The following TICRR variants were observed in gnomAD, a reference collection of about 807,000 sequenced individuals.
The protein encoded by TICRR is TOPBP1 interacting checkpoint and replication regulator.
TICRR carries 132 observed loss-of-function variants against 178.1 expected under a neutral mutation model. The observed-to-expected ratio is 0.74, with a 90% CI of 0.64 to 0.86. The LOEUF is 0.86. TICRR is among the 40% of genes least tolerant of loss of function. The pLI, the probability that TICRR is intolerant of heterozygous loss-of-function variation, is 0.00. For missense variants in TICRR, 2,587 were observed against 2,334.3 expected, an observed-to-expected ratio of 1.11 and a Z score of -2.23; for synonymous variants, 991 against 900.7, an observed-to-expected ratio of 1.10 and a Z score of -1.79.
chr15:89,585,951 C>T lies in TICRR; in HGVS notation c.1411+9C>T, dbSNP rs767622900. The T allele has an allele frequency of 1.2e-6, 2 of 1,609,696 alleles. No individual in the cohort carries two copies. Among genetic ancestry groups the T allele is most frequent in the East Asian group, 4.5e-5 (2 of 44,840 alleles). On this transcript the variant is annotated intron_variant, in intron 4 of 21. Coordinates refer to ENST00000268138, the MANE Select transcript of TICRR (RefSeq NM_152259.4). ...AGATACTGCTTCTGCTGGTAAGCTC[C>T]TAAACTAGTAACTAACAGAGTCTAG...
At chr15:89,608,343 G>A (rs1963204194) in intron 14 of TICRR, among the ~76,000 whole-genome samples, 1 of 152,120 alleles carries the variant, frequency 6.6e-6, no homozygotes, top group South Asian at 2.1e-4. Context: ...TCTATAACAA[G>A]TAAAAAGTTT....
intron 13 of TICRR, among the ~76,000 whole-genome samples, chr15:89,603,680 T>C (rs12443406): frequency 0.52 from 79,090 of 152,058 alleles, 21,025 homozygotes; most frequent in Non-Finnish European, 0.59. Context: ...AGTCGCCCCT[T>C]ATCTGCAGAA....
chr15:89,593,166 T>A (rs1183675250), intron 5 of TICRR, among the ~76,000 whole-genome samples: 1 of 152,212 alleles, frequency 6.6e-6, no homozygotes, highest in East Asian at 1.9e-4. Context: ...CAAACATCTG[T>A]TGAAACTCTA....
rs545344042 is a variant in TICRR, at chr15:89,611,992, A to C, written c.2869+3043A>C. On this transcript the variant is annotated intron_variant, in intron 15 of 21. Coordinates refer to ENST00000268138, the MANE Select transcript of TICRR (RefSeq NM_152259.4). ...GCTTCCTTAGTGACGGTTTTTGCCA[A>C]ATTTCTCTTTTCTGGTAAATAGGCC... 5.3e-5 allele frequency among the ~76,000 whole-genome samples: 8 copies of C among 152,186 alleles called. No individual in the cohort carries two copies. The East Asian group carries it at 1.5e-3, about 29-fold the overall frequency.
chr15:89,593,177 G>C (rs902898337), intron 5 of TICRR, among the ~76,000 whole-genome samples: 1 of 152,088 alleles, frequency 6.6e-6, no homozygotes, highest in Non-Finnish European at 1.5e-5. Flanking sequence ...TGAAACTCTA[G>C]GAGTGCATTG....
At chr15:89,607,544 T>A (rs558967543) in intron 14 of TICRR, among the ~76,000 whole-genome samples, 1 of 152,266 alleles carries the variant, frequency 6.6e-6, no homozygotes, top group East Asian at 1.9e-4. Context: ...AAACCAAATT[T>A]GGCTTTCAGG....
chr15:89,600,215 C>T (rs1471595601), intron 8 of TICRR, among the ~76,000 whole-genome samples: 5 of 152,194 alleles, frequency 3.3e-5, no homozygotes, highest in Non-Finnish European at 7.3e-5. Flanking sequence ...GGGAGTGTTG[C>T]AAACCACTGT....
chr15:89,627,419 T>G lies in TICRR; in HGVS notation c.*333T>G. 1 of 289,736 alleles carries G rather than the reference T, an allele frequency of 3.5e-6. No homozygotes were observed. The highest frequency in any genetic ancestry group is 6.4e-6 in the Non-Finnish European group (1 of 155,126). The allele number at this position is 289,736 out of a possible 1,614,324, so 17.9% of individuals were successfully genotyped here. ...TCAGGGGGCCACTCTGCCTCATTTA[T>G]GCAAATGGAGAAAGGCGCCCTCCCT... On this transcript the variant is annotated 3_prime_UTR_variant, in exon 22 of 22. Transcript: ENST00000268138.
chr15:89,623,090 G>A (rs1276845269), intron 19 of TICRR, among the ~76,000 whole-genome samples: 1 of 152,196 alleles, frequency 6.6e-6, no homozygotes, highest in Non-Finnish European at 1.5e-5. Context: ...TTGCAAGAAG[G>A]CAGGGAAATT....
At chr15:89,601,230 C>T (rs1963089439) in intron 9 of TICRR, 68 bp from the exon 10 acceptor site, 2 of 1,393,802 alleles carry the variant, frequency 1.4e-6, no homozygotes, top group Non-Finnish European at 2.0e-6. Context: ...TAGATCTATG[C>T]TTACGGAAGG....
chr15:89,625,802 AAAC>A lies in TICRR; in HGVS notation c.5476+17_5476+19del. On this transcript the variant is annotated intron_variant, in intron 20 of 21. Transcript: ENST00000268138. ...TTTGTTTCCGGTGAGTTCGTTTTTGAAACCCAGTTTCCTCATGGTTTCTTTTGG... is the reference window on the plus strand; with the variant it reads ...TTTGTTTCCGGTGAGTTCGTTTTTGACCAGTTTCCTCATGGTTTCTTTTGG... The A allele has an allele frequency of 6.3e-7, 1 of 1,585,116 alleles. No individual in the cohort carries two copies. The highest frequency in any genetic ancestry group is 8.6e-7 in the Non-Finnish European group (1 of 1,164,576).
chr15:89,575,730 G>C lies in TICRR; in HGVS notation c.144G>C (p.Lys48Asn), dbSNP rs1194565517. 1.2e-6 allele frequency: 2 copies of C among 1,610,380 alleles called. No homozygotes were observed. Among genetic ancestry groups the C allele is most frequent in the Non-Finnish European group, 1.7e-6 (2 of 1,179,198 alleles). ...FGLARVHWAFKFFDSQGARSR... is the reference protein window; with the variant it reads ...FGLARVHWAFNFFDSQGARSR... ...TGGCCAGGGTCCACTGGGCCTTCAA[G>C]TTCTTTGACTCGCAGGGGGCGCGGA... The change falls in exon 1 of 22, where the codon AAG becomes AAC. Residue 48 changes from lysine to asparagine, a missense_variant. Coordinates refer to ENST00000268138, the MANE Select transcript of TICRR (RefSeq NM_152259.4).
chr15:89,599,916 G>A (rs952467004), intron 8 of TICRR, among the ~76,000 whole-genome samples: 1 of 152,136 alleles, frequency 6.6e-6, no homozygotes, highest in Admixed American at 6.6e-5. Flanking sequence ...GACCAGCCTG[G>A]CCAACATGGT....
Position 89,599,524 on chromosome 15 carries a change from G to T in TICRR, c.2052+49G>T, listed in dbSNP as rs777579297. On this transcript the variant is annotated intron_variant, in intron 8 of 21. Transcript: ENST00000268138. ...TTTGTCATGGATGTAGTGGTTGGTT[G>T]GTTGGTTGGTGGTGGATTTGGTTAG... The T allele has an allele frequency of 1.1e-5, 17 of 1,572,910 alleles. No homozygotes were observed. In the East Asian group the frequency reaches 3.8e-4, roughly 35 times the overall value.
In TICRR at chr15:89,575,889, C is replaced by T. The variant is rs200014273; in HGVS notation, c.303C>T (p.His101=). The T allele has an allele frequency of 6.3e-7, 1 of 1,587,702 alleles. No homozygotes were observed. Among genetic ancestry groups the T allele is most frequent in the Non-Finnish European group, 8.6e-7 (1 of 1,169,382 alleles). Residue 101 remains histidine, a synonymous_variant, in exon 1 of 22, where the codon CAC becomes CAT. Transcript: ENST00000268138. The part of the protein sequence containing the change: ...PGPAPRATHT[H]GALMETLLDY... ...CGGCGCCCAGGGCCACCCACACGCACGGCGCCCTGATGGAGACGCTGCTAG... is the reference window on the plus strand; with the variant it reads ...CGGCGCCCAGGGCCACCCACACGCATGGCGCCCTGATGGAGACGCTGCTAG...
rs779159940 is a variant in TICRR at position 89,601,798 on chromosome 15, C to T, written c.2389C>T (p.Pro797Ser). The T allele has an allele frequency of 1.2e-6, 2 of 1,614,168 alleles. No homozygotes were observed. The highest frequency in any genetic ancestry group is 1.1e-5 in the South Asian group (1 of 91,084). The change falls in exon 12 of 22, where the codon CCT becomes TCT. Residue 797 changes from proline to serine, a missense_variant. Physicochemically the swap from Pro to Ser is moderately conservative, Grantham distance 74. Transcript: ENST00000268138. ...TTACAACAGCCTAGGGTTTGTGATTCCTCAGAAGCTGGCTGGTGTCCTTCC... is the reference window on the plus strand; with the variant it reads ...TTACAACAGCCTAGGGTTTGTGATTTCTCAGAAGCTGGCTGGTGTCCTTCC... ...NLYNSLGFVI[P>S]QKLAGVLPTD...
rs1567053367 is a variant in TICRR, at chr15:89,624,655, T to A, written c.4345T>A (p.Trp1449Arg). The change falls in exon 20 of 22, where the codon TGG becomes AGG. Residue 1449 changes from tryptophan (W) to arginine (R), a missense_variant. Transcript: ENST00000268138. ...GYPGPGLRSD[W>R]HASSPLLITS... ...CCCAGGCCCTGGTCTCAGGAGTGAT[T>A]GGCATGCATCCTCTCCTCTGCTCAT... 2 of 1,613,952 alleles carry A rather than the reference T, an allele frequency of 1.2e-6. No individual in the cohort carries two copies. Among genetic ancestry groups the A allele is most frequent in the Non-Finnish European group, 1.7e-6 (2 of 1,180,036 alleles).
chr15:89,600,060 C>A (rs757596222), intron 8 of TICRR, among the ~76,000 whole-genome samples: 7 of 152,160 alleles, frequency 4.6e-5, no homozygotes, highest in African/African-American at 7.2e-5. Context: ...GAGGCAAGAT[C>A]GTACCATTGC....
Position 89,594,572 on chromosome 15 carries a change from C to A in TICRR, c.1681+18C>A. 1 of 1,528,574 alleles carries A rather than the reference C, an allele frequency of 6.5e-7. No individual in the cohort carries two copies. The allele number at this position is 1,528,574 out of a possible 1,614,324, so 94.7% of individuals were successfully genotyped here. On this transcript the variant is annotated intron_variant, in intron 6 of 21. Coordinates refer to ENST00000268138, the MANE Select transcript of TICRR (RefSeq NM_152259.4). ...AAAGAAACGTATGTACCTAGAAAGG[C>A]TGTTTCTTAAGGCATTCTTTTTTGA...
Sources: gnomAD v4.1 joint callset for allele counts (sites outside exome capture counted in the v4.1 genomes callset) on GRCh38, gnomAD v4.1.1 for gene constraint, MANE v1.5 for transcripts, NCBI Gene and HGNC (gene_info 2026-07-23, HGNC 2026-07-21) for gene names.